ABTB3: variants seen among roughly 807,000 people sequenced by gnomAD.
ABTB3 encodes ankyrin repeat- and BTB/POZ domain-containing protein 3.
chr12:107,499,710 G>T, the ABTB3 span, among the ~76,000 whole-genome samples: 1 of 147,842 alleles, frequency 6.8e-6, no homozygotes, highest in Admixed American at 6.7e-5. Context: ...TTTTAAGATA[G>T]AATCTCACTC....
At chr12:107,368,418 G>A in the ABTB3 span, among the ~76,000 whole-genome samples, 1 of 152,210 alleles carries the variant, frequency 6.6e-6, no homozygotes, top group Non-Finnish European at 1.5e-5. Flanking sequence ...GGAGACACTG[G>A]AAATATTTGG....
the ABTB3 span, among the ~76,000 whole-genome samples, chr12:107,517,496 A>G: frequency 6.6e-6 from 1 of 152,334 alleles, no homozygotes; most frequent in Non-Finnish European, 1.5e-5. Context: ...CTTCCTATCC[A>G]TGAGCTTGGA....
the ABTB3 span, among the ~76,000 whole-genome samples, chr12:107,353,742 C>T: frequency 7.9e-5 from 12 of 152,132 alleles, no homozygotes; most frequent in African/African-American, 1.9e-4. Flanking sequence ...TGCCTCCTAT[C>T]GGATCAGCGG....
the ABTB3 span, chr12:107,642,252 T>G: frequency 3.9e-6 from 5 of 1,297,334 alleles, no homozygotes; most frequent in Non-Finnish European, 5.6e-6. Context: ...GCCTGAGGAT[T>G]GGCCACTTGG....
chr12:107,530,645 C>A, the ABTB3 span, among the ~76,000 whole-genome samples: 4 of 152,074 alleles, frequency 2.6e-5, no homozygotes, highest in Non-Finnish European at 4.4e-5. Context: ...TATGAGGATT[C>A]TTTTTTTGGT....
At chr12:107,449,485 G>A in the ABTB3 span, among the ~76,000 whole-genome samples, 6 of 152,240 alleles carry the variant, frequency 3.9e-5, no homozygotes, top group South Asian at 1.2e-3. Context: ...TCAGGAGGAA[G>A]GTTCCCCTGC....
chr12:107,584,386 G>T, the ABTB3 span, among the ~76,000 whole-genome samples: 1 of 152,318 alleles, frequency 6.6e-6, no homozygotes, highest in East Asian at 1.9e-4. Flanking sequence ...CTTATCCGAG[G>T]TCACACAGCT....
chr12:107,636,219 G>A, the ABTB3 span, among the ~76,000 whole-genome samples: 1 of 152,152 alleles, frequency 6.6e-6, no homozygotes, highest in Non-Finnish European at 1.5e-5. Flanking sequence ...TCAGGCACTA[G>A]GTTCTTTCAG....
the ABTB3 span, among the ~76,000 whole-genome samples, chr12:107,522,392 T>C: frequency 6.6e-6 from 1 of 152,164 alleles, no homozygotes; most frequent in Non-Finnish European, 1.5e-5. Flanking sequence ...ATATAGTTCA[T>C]ATACAATTTA....
the ABTB3 span, among the ~76,000 whole-genome samples, chr12:107,375,966 A>C: frequency 6.6e-6 from 1 of 151,916 alleles, no homozygotes; most frequent in Non-Finnish European, 1.5e-5. Context: ...CCCATGCGCC[A>C]TCTCTTATTT....
the ABTB3 span, among the ~76,000 whole-genome samples, chr12:107,522,198 G>T: frequency 6.6e-6 from 1 of 151,958 alleles, no homozygotes; most frequent in African/African-American, 2.4e-5. Context: ...CTAATAATTT[G>T]CCAAAGGCCC....
the ABTB3 span, among the ~76,000 whole-genome samples, chr12:107,347,751 T>C: frequency 1.3e-5 from 2 of 151,908 alleles, no homozygotes; most frequent in African/African-American, 4.8e-5. Context: ...TTCAAGAGAG[T>C]GGGAAGAATC....
the ABTB3 span, chr12:107,319,256 G>A: frequency 6.4e-7 from 1 of 1,555,764 alleles, no homozygotes; most frequent in Admixed American, 1.9e-5. Context: ...GGAGCTGGAG[G>A]CGCTGCTGCT....
At chr12:107,393,219 A>C in the ABTB3 span, among the ~76,000 whole-genome samples, 1 of 152,032 alleles carries the variant, frequency 6.6e-6, no homozygotes, top group African/African-American at 2.4e-5. Flanking sequence ...TGTCTTAAAA[A>C]TAAATCTTTT....
chr12:107,387,831 C>T, the ABTB3 span, among the ~76,000 whole-genome samples: 174 of 152,206 alleles, frequency 1.1e-3, 1 homozygote, highest in Admixed American at 2.6e-3. Flanking sequence ...TAATGCAGGT[C>T]CCATACAGGA....
At chr12:107,542,937 T>C in the ABTB3 span, among the ~76,000 whole-genome samples, 1 of 152,202 alleles carries the variant, frequency 6.6e-6, no homozygotes, top group Admixed American at 6.5e-5. Flanking sequence ...TCTTGTTGTA[T>C]GATGGGTGGC....
chr12:107,599,959 G>A, the ABTB3 span, among the ~76,000 whole-genome samples: 21 of 152,260 alleles, frequency 1.4e-4, no homozygotes, highest in East Asian at 2.1e-3. Flanking sequence ...TGAATTCTGC[G>A]GAATGGGCTG....
chr12:107,566,134 A>G, the ABTB3 span, among the ~76,000 whole-genome samples: 1 of 152,208 alleles, frequency 6.6e-6, no homozygotes, highest in Non-Finnish European at 1.5e-5. Context: ...GGTTTTGTGC[A>G]GGCACCAGAA....
chr12:107,614,962 T>C, the ABTB3 span: 6 of 969,210 alleles, frequency 6.2e-6, no homozygotes, highest in Non-Finnish European at 9.4e-6. Flanking sequence ...TGTCTTTTTG[T>C]CCATCTCTAG....
Sources: allele counts gnomAD v4.1 joint callset (sites outside exome capture counted in the v4.1 genomes callset), GRCh38; gene constraint gnomAD v4.1.1; transcripts MANE v1.5; gene names NCBI Gene and HGNC (gene_info 2026-07-23, HGNC 2026-07-21).